FASTKD1: variants seen among roughly 807,000 people sequenced by gnomAD.
FASTKD1 encodes the protein FAST kinase domains 1.
FASTKD1 carries 94 observed loss-of-function variants against 90.9 expected under a neutral mutation model. The observed-to-expected ratio is 1.03, with a 90% confidence interval of 0.88 to 1.23. The LOEUF (loss-of-function observed/expected upper bound fraction) is 1.23. FASTKD1 is among the 50% of genes most tolerant of loss of function. The pLI, the probability that FASTKD1 is intolerant of heterozygous loss-of-function variation, is 0.00. For synonymous variants in FASTKD1, 319 were observed against 345.8 expected (o/e 0.92, Z 0.86); for missense variants, 945 against 993.5 (o/e 0.95, Z 0.66).
intron 1 of FASTKD1, chr2:169,573,388 C>G (rs1684315463): frequency 6.6e-6 from 1 of 152,260 alleles, no homozygotes; most frequent in Non-Finnish European, 1.5e-5. Context: ...AGAAAGGTGT[C>G]GAGTCCCCAG....
At chr2:169,565,468 T>A (rs1683931535) in intron 3 of FASTKD1, among the ~76,000 whole-genome samples, 2 of 151,578 alleles carry the variant, frequency 1.3e-5, no homozygotes, top group African/African-American at 4.9e-5. Flanking sequence ...TTCACCTTGT[T>A]AGCCAGGATG....
At chr2:169,563,984 T>C (rs1260600238) in intron 3 of FASTKD1, among the ~76,000 whole-genome samples, 1 of 152,162 alleles carries the variant, frequency 6.6e-6, no homozygotes, top group African/African-American at 2.4e-5. Flanking sequence ...AAACAATTTA[T>C]GGTGTTAGAG....
At chr2:169,560,083 T>C (rs752592455) in intron 5 of FASTKD1, among the ~76,000 whole-genome samples, 2 of 152,218 alleles carry the variant, frequency 1.3e-5, no homozygotes, top group African/African-American at 2.4e-5. Flanking sequence ...GGGAGTCTTA[T>C]ATGTGTAAAT....
In FASTKD1 at chr2:169,542,620, C is replaced by T. The variant is rs569709371; in HGVS notation, c.1816+2101G>A. 2.6e-5 allele frequency among the ~76,000 whole-genome samples: 4 copies of T among 152,286 alleles called. No homozygotes were observed. The South Asian group carries it at 8.3e-4, about 32-fold the overall frequency. On this transcript the variant is annotated intron_variant, in intron 9 of 14. Coordinates refer to ENST00000453153, the MANE Select transcript of FASTKD1 (RefSeq NM_024622.6). ...GTGGCACACGCCTGTAATTCCAGCACTTGGGAGGCTAAGGTGGGAGGACCG... is the reference window on the plus strand; with the variant it reads ...GTGGCACACGCCTGTAATTCCAGCATTTGGGAGGCTAAGGTGGGAGGACCG...
In FASTKD1 at chr2:169,546,519, A is replaced by C; in HGVS notation, c.1400T>G (p.Met467Arg). The change falls in exon 8 of 15, where the codon ATG (methionine) becomes AGG (arginine). Residue 467 changes from methionine (M) to arginine (R), a missense_variant. By Grantham distance (91) the Met-to-Arg change is moderately conservative. Coordinates refer to ENST00000453153, the MANE Select transcript of FASTKD1 (RefSeq NM_024622.6). ...TTTCGCAGTCATATTATCCAAATAC[A>C]TGTGATCATGCTGAATCCATCTTAA... is the stretch of plus-strand genomic sequence containing the variant. ...SVLRWIQHDH[M>R]YLDNMTAKQL... The C allele has an allele frequency of 6.2e-7, 1 of 1,614,064 alleles. No homozygotes were observed. The highest frequency in any genetic ancestry group is 8.5e-7 in the Non-Finnish European group (1 of 1,180,016).
chr2:169,565,279 T>TTTTTTG (rs1683915169), intron 3 of FASTKD1, among the ~76,000 whole-genome samples: 1 of 120,998 alleles, frequency 8.3e-6, no homozygotes, highest in Non-Finnish European at 1.7e-5. Flanking sequence ...TTTTTTTTTT[T>TTTTTTG]TGAGAGGGAG....
At position 169,546,547 on chromosome 2, in the gene FASTKD1, C is replaced by T; in HGVS notation, c.1372G>A (p.Val458Ile). The change falls in exon 8 of 15, where the codon GTT (valine) becomes ATT (isoleucine). Residue 458 changes from valine (V) to isoleucine (I), a missense_variant. Physicochemically the swap from Val to Ile is conservative, Grantham distance 29. Transcript: ENST00000453153. ...TGATCATGCTGAATCCATCTTAAAA[C>T]AGATGTGGCAAAACTACTCAGGTTA... is the stretch of plus-strand genomic sequence containing the variant. ...LNNLSSFATS[V>I]LRWIQHDHMY... The T allele has an allele frequency of 1.2e-6, 2 of 1,614,152 alleles. No individual in the cohort carries two copies. The highest frequency in any genetic ancestry group is 1.7e-6 in the Non-Finnish European group (2 of 1,180,034).
rs890339389 is a variant in FASTKD1, at chr2:169,560,112, AG to A, written c.971+274del. Among the ~76,000 whole-genome samples the A allele has an allele frequency of 2.6e-5, 4 of 152,332 alleles. No individual in the cohort carries two copies. The East Asian group carries it at 7.7e-4, about 29-fold the overall frequency. On this transcript the variant is annotated intron_variant, in intron 5 of 14. Coordinates refer to ENST00000453153, the MANE Select transcript of FASTKD1 (RefSeq NM_024622.6). ...TGTAAATCCAGTCATGTAGCACAAA[AG>A]GGAGAATAAAAACACATGGCGTTTC...
At chr2:169,543,239 G>A (rs1165840578) in intron 9 of FASTKD1, among the ~76,000 whole-genome samples, 1 of 152,164 alleles carries the variant, frequency 6.6e-6, no homozygotes, top group Non-Finnish European at 1.5e-5. Flanking sequence ...TGAGGTGGGT[G>A]GATCACCTAA....
At chr2:169,554,383 G>T (rs898024396) in intron 7 of FASTKD1, among the ~76,000 whole-genome samples, 1 of 146,200 alleles carries the variant, frequency 6.8e-6, no homozygotes, top group African/African-American at 2.5e-5. Context: ...ACACTTTTTC[G>T]CTGGGCATGG....
intron 4 of FASTKD1, among the ~76,000 whole-genome samples, chr2:169,562,460 T>C (rs1683748543): frequency 6.6e-6 from 1 of 152,160 alleles, no homozygotes; most frequent in African/African-American, 2.4e-5. Context: ...CTCGAACTCC[T>C]GACATCAAGT....
Position 169,529,454 on chromosome 2 carries a change from G to A in FASTKD1, c.*371C>T, listed in dbSNP as rs561505014. ...TTGTCTGGATTATTGCAATGACCTC[G>A]TAAAGAGTTTTCTTTCTTACACATT... On this transcript the variant is annotated 3_prime_UTR_variant, in exon 15 of 15. Transcript: ENST00000453153. Among the ~76,000 whole-genome samples, 9 of 152,260 alleles carry A rather than the reference G, an allele frequency of 5.9e-5. No homozygotes were observed. The highest frequency in any genetic ancestry group is 1.2e-4 in the African/African-American group (5 of 41,552).
chr2:169,553,035 A>T (rs1471110361), intron 7 of FASTKD1, among the ~76,000 whole-genome samples: 1 of 151,716 alleles, frequency 6.6e-6, no homozygotes, highest in Non-Finnish European at 1.5e-5. Flanking sequence ...GGTGAAACCT[A>T]GTCTCTACCA....
At chr2:169,562,016 G>A (rs1203741678) in intron 4 of FASTKD1, among the ~76,000 whole-genome samples, 1 of 100,788 alleles carries the variant, frequency 9.9e-6, no homozygotes, top group Middle Eastern at 7.9e-3. Flanking sequence ...TTAATTTATT[G>A]TAAATTAATT....
In FASTKD1 at chr2:169,529,803, T is replaced by C; in HGVS notation, c.*22A>G. The C allele has an allele frequency of 6.6e-7, 1 of 1,525,340 alleles. No individual in the cohort carries two copies. Among genetic ancestry groups the C allele is most frequent in the Non-Finnish European group, 9.0e-7 (1 of 1,107,680 alleles). 94.5% of individuals were successfully genotyped at this position (1,525,340 alleles called of 1,614,324 possible). ...AAATAGGTCCAAATGTAACACACGATAACATTCATTTTAAATAAAAACTAC... is the reference window on the plus strand; with the variant it reads ...AAATAGGTCCAAATGTAACACACGACAACATTCATTTTAAATAAAAACTAC... On this transcript the variant is annotated 3_prime_UTR_variant, in exon 15 of 15. Transcript: ENST00000453153.
chr2:169,544,982 C>A (rs537214154), intron 8 of FASTKD1, 147 bp from the exon 9 acceptor site: 2 of 544,080 alleles, frequency 3.7e-6, no homozygotes, highest in Non-Finnish European at 6.5e-6. Flanking sequence ...ATTTTTCCAT[C>A]CTGCTATAAT....
intron 11 of FASTKD1, 76 bp from the exon 12 acceptor site, chr2:169,537,416 C>T: frequency 2.1e-6 from 2 of 941,524 alleles, no homozygotes; most frequent in Admixed American, 2.2e-5. Flanking sequence ...GGAGTTTTCG[C>T]TCTTGTTGCC....
chr2:169,530,067 T>C (rs1376157903), intron 14 of FASTKD1, 141 bp from the exon 15 acceptor site: 4 of 615,762 alleles, frequency 6.5e-6, no homozygotes, highest in African/African-American at 1.9e-5. Context: ...GAACCTCTAC[T>C]GGAAGCCAAG....
Position 169,546,307 on chromosome 2 carries a change from C to A in FASTKD1, c.1612G>T (p.Glu538Ter). The A allele has an allele frequency of 6.2e-7, 1 of 1,613,860 alleles. No homozygotes were observed. Among genetic ancestry groups the A allele is most frequent in the South Asian group, 1.1e-5 (1 of 91,044 alleles). The change falls in exon 8 of 15, where the codon GAG becomes TAG. Residue 538 changes from glutamate (E) to a stop codon, truncating the protein, a stop_gained. Transcript: ENST00000453153. LOFTEE classifies it high-confidence loss of function. ...GTACTAGAAATAAAAGATGCAATCTCCCCAACATTTATGTAATTAATATCA... is the reference window on the plus strand; with the variant it reads ...GTACTAGAAATAAAAGATGCAATCTACCCAACATTTATGTAATTAATATCA... Reference protein sequence around the residue: ...MDDINYINVGEIASFISSTDY... With the variant: ...MDDINYINVG
Sources: allele counts gnomAD v4.1 joint callset (sites outside exome capture counted in the v4.1 genomes callset), GRCh38; gene constraint gnomAD v4.1.1; transcripts MANE v1.5; gene names NCBI Gene and HGNC (gene_info 2026-07-23, HGNC 2026-07-21).